Variants in SLCO1B1 observed in about 807,000 individuals in gnomAD.
SLCO1B1 encodes the protein solute carrier organic anion transporter family member 1B1.
Under a neutral mutation model 70.1 loss-of-function variants are expected in SLCO1B1, and 81 were observed. The ratio of observed to expected loss-of-function variants is 1.16; its 90% CI spans 0.97 to 1.39. SLCO1B1 has a LOEUF of 1.39. Ranked by LOEUF, SLCO1B1 falls within the 40% of genes most tolerant of loss-of-function variation. SLCO1B1 has a pLI of 0.00. For missense variants in SLCO1B1, 895 were observed against 799.6 expected, an observed-to-expected ratio of 1.12 and a Z score of -1.44; for synonymous variants, 283 against 271.5, an observed-to-expected ratio of 1.04 and a Z score of -0.42.
intron 2 of SLCO1B1, among the ~76,000 whole-genome samples, chr12:21,161,800 G>A (rs758538140): frequency 2.0e-4 from 31 of 152,084 alleles, no homozygotes; most frequent in Non-Finnish European, 3.4e-4. Flanking sequence ...TTGAGGTCGG[G>A]GGTTTGAGAT....
rs1477129920 is a variant in SLCO1B1 at position 21,209,304 on chromosome 12, C to T, written c.1497+3271C>T. On this transcript the variant is annotated intron_variant, in intron 11 of 14. Coordinates refer to ENST00000256958, the MANE Select transcript of SLCO1B1 (RefSeq NM_006446.5). The stretch of plus-strand genomic sequence containing the variant: ...ATTCCCACCTATGAGTGAGAATATG[C>T]GGTGTTTGGTTTTTTGTTCTTGCAA... 1.1e-4 allele frequency among the ~76,000 whole-genome samples: 16 copies of T among 151,530 alleles called. No homozygotes were observed. In the East Asian group the frequency reaches 1.6e-3, roughly 15 times the overall value.
chr12:21,213,021 T>C (rs1246888484), intron 11 of SLCO1B1, among the ~76,000 whole-genome samples: 3 of 151,840 alleles, frequency 2.0e-5, no homozygotes, highest in Non-Finnish European at 4.4e-5. Context: ...TTTATCCAAT[T>C]TGCCAGTCTG....
chr12:21,137,319 C>G (rs1940238825), intron 1 of SLCO1B1, among the ~76,000 whole-genome samples: 1 of 152,182 alleles, frequency 6.6e-6, no homozygotes, highest in South Asian at 2.1e-4. Context: ...TCTCAGATCT[C>G]AAGCTGCGTG....
intron 8 of SLCO1B1, among the ~76,000 whole-genome samples, chr12:21,197,735 G>A (rs938761063): frequency 6.6e-6 from 1 of 152,028 alleles, no homozygotes; most frequent in Admixed American, 6.6e-5. Context: ...TTCTCCCTAT[G>A]TAATTAGAGT....
chr12:21,229,676 A>ATC (rs1287728510), intron 14 of SLCO1B1, among the ~76,000 whole-genome samples: 1 of 152,190 alleles, frequency 6.6e-6, no homozygotes, highest in Non-Finnish European at 1.5e-5. Flanking sequence ...GATGATATAT[A>ATC]TGAAGATGTT....
intron 2 of SLCO1B1, among the ~76,000 whole-genome samples, chr12:21,154,630 A>G (rs1006498295): frequency 6.6e-6 from 1 of 152,088 alleles, no homozygotes; most frequent in Admixed American, 6.6e-5. Flanking sequence ...AATTCTAGAC[A>G]CTATGACTAT....
At chr12:21,208,965 A>G (rs946837641) in intron 11 of SLCO1B1, among the ~76,000 whole-genome samples, 6 of 151,598 alleles carry the variant, frequency 4.0e-5, no homozygotes, top group Admixed American at 3.3e-4. Flanking sequence ...ATTTTTTTCC[A>G]TTGATTTTGT....
chr12:21,165,485 G>C lies in SLCO1B1; in HGVS notation c.85-7165G>C, dbSNP rs529957154. Among the ~76,000 whole-genome samples the C allele has an allele frequency of 3.0e-4, 45 of 152,074 alleles. No individual in the cohort carries two copies. The South Asian group carries it at 6.7e-3, about 22-fold the overall frequency. The stretch of plus-strand genomic sequence containing the variant: ...CCTTTTACCTAATGCTAATCCCCAA[G>C]CTTAGAACAAGGCAAGTGAAAGGTC... On this transcript the variant is annotated intron_variant, in intron 2 of 14. Transcript: ENST00000256958.
chr12:21,224,923 TTAA>T (rs1196885687), intron 14 of SLCO1B1, 84 bp downstream of exon 14: 1 of 704,462 alleles, frequency 1.4e-6, no homozygotes, highest in Non-Finnish European at 2.4e-6. Context: ...TATAATAATA[TTAA>T]TAATGATAGC....
chr12:21,227,261 T>C (rs1941491373), intron 14 of SLCO1B1, among the ~76,000 whole-genome samples: 1 of 152,126 alleles, frequency 6.6e-6, no homozygotes, highest in South Asian at 2.1e-4. Flanking sequence ...GTCTGATGTC[T>C]TGAAAAAAGA....
chr12:21,238,208 T>A (rs1334934930), intron 14 of SLCO1B1, among the ~76,000 whole-genome samples: 1 of 152,200 alleles, frequency 6.6e-6, no homozygotes, highest in East Asian at 1.9e-4. Flanking sequence ...AGAGTCTTCA[T>A]CAGTTGTGTT....
chr12:21,141,261 AT>A (rs1555175500), intron 1 of SLCO1B1, among the ~76,000 whole-genome samples: 1 of 151,666 alleles, frequency 6.6e-6, no homozygotes, highest in Non-Finnish European at 1.5e-5. Context: ...GTGATTCTAT[AT>A]TACTTACTTG....
At chr12:21,195,346 T>C (rs375204344) in intron 7 of SLCO1B1, among the ~76,000 whole-genome samples, 1 of 152,130 alleles carries the variant, frequency 6.6e-6, no homozygotes, top group Non-Finnish European at 1.5e-5. Flanking sequence ...TCCCAGAAAA[T>C]TTTGAATATT....
chr12:21,148,965 A>T (rs1940429019), intron 2 of SLCO1B1, among the ~76,000 whole-genome samples: 1 of 151,846 alleles, frequency 6.6e-6, no homozygotes, highest in Non-Finnish European at 1.5e-5. Context: ...ATTCCTAGGT[A>T]TTTTATTCTC....
At chr12:21,174,497 T>C in intron 3 of SLCO1B1, 80 bp from the exon 4 acceptor site, 6 of 1,395,826 alleles carry the variant, frequency 4.3e-6, no homozygotes, top group Non-Finnish European at 6.0e-6. Context: ...TTGGACTCTA[T>C]TTGCATCCAT....
rs952736931 is a variant in SLCO1B1 at position 21,203,912 on chromosome 12, G to T, written c.1331+1226G>T. On this transcript the variant is annotated intron_variant, in intron 10 of 14. Transcript: ENST00000256958. ...AAAGCCTTCTTGGTTGTAAGGACAG[G>T]CCAGTTTCTTGACAACAAGGTTAGT... 2.1e-4 allele frequency among the ~76,000 whole-genome samples: 32 copies of T among 151,954 alleles called. 2 individuals carry two copies. Among genetic ancestry groups the T allele is most frequent in the Admixed American group, 2.1e-3 (32 of 15,202 alleles).
chr12:21,190,401 T>A (rs533688830), intron 7 of SLCO1B1, among the ~76,000 whole-genome samples: 1 of 152,278 alleles, frequency 6.6e-6, no homozygotes, highest in East Asian at 1.9e-4. Flanking sequence ...CACATACCTG[T>A]GTCTGAGTAC....
chr12:21,232,126 T>C (rs1285295070), intron 14 of SLCO1B1, among the ~76,000 whole-genome samples: 1 of 152,060 alleles, frequency 6.6e-6, no homozygotes. Context: ...AATCAACAAA[T>C]GGAAAAAGCC....
chr12:21,150,318 C>T (rs1940453962), intron 2 of SLCO1B1, among the ~76,000 whole-genome samples: 1 of 152,178 alleles, frequency 6.6e-6, no homozygotes, highest in Non-Finnish European at 1.5e-5. Flanking sequence ...GGCAGTGGAT[C>T]TCCTAGCACC....
Sources: gnomAD v4.1 joint callset for allele counts (sites outside exome capture counted in the v4.1 genomes callset) on GRCh38, gnomAD v4.1.1 for gene constraint, MANE v1.5 for transcripts, NCBI Gene and HGNC (gene_info 2026-07-23, HGNC 2026-07-21) for gene names.